The following GRIP1 variants were observed in gnomAD, a reference collection of about 807,000 sequenced individuals.
The protein encoded by GRIP1 is glutamate receptor-interacting protein 1.
Under a neutral mutation model 129.9 loss-of-function variants are expected in GRIP1, and 45 were observed. That is an observed-to-expected ratio of 0.35 (90% CI 0.27 to 0.44). GRIP1 has a LOEUF of 0.44. GRIP1 is among the 20% of genes least tolerant of loss of function. GRIP1 has a pLI of 1.00. For missense variants in GRIP1, 1,196 were observed against 1,396.8 expected (o/e 0.86, Z 2.29); for synonymous variants, 530 against 520.8 (o/e 1.02, Z -0.24).
intron 1 of GRIP1, among the ~76,000 whole-genome samples, chr12:66,979,568 A>C (rs1417229060): frequency 6.6e-6 from 1 of 151,986 alleles, no homozygotes; most frequent in Non-Finnish European, 1.5e-5. Context: ...CATTGAACAA[A>C]CCTCAGTTCT....
intron 1 of GRIP1, among the ~76,000 whole-genome samples, chr12:66,882,359 A>T (rs2040494031): frequency 6.6e-6 from 1 of 152,204 alleles, no homozygotes; most frequent in South Asian, 2.1e-4. Flanking sequence ...CTCCAAGATC[A>T]CCAGAGAAAA....
chr12:66,810,135 A>G (rs73329268), intron 1 of GRIP1, among the ~76,000 whole-genome samples: 3,111 of 152,350 alleles, frequency 0.02, 116 homozygotes, highest in African/African-American at 0.071. Context: ...GAAAATAAAA[A>G]GGTAGACAGG....
intron 1 of GRIP1, among the ~76,000 whole-genome samples, chr12:66,931,075 G>A (rs1250886806): frequency 2.6e-5 from 4 of 152,194 alleles, no homozygotes. Flanking sequence ...CGAACTTACT[G>A]TCTTCAACTA....
chr12:66,389,789 C>G (rs1323175129), intron 19 of GRIP1, among the ~76,000 whole-genome samples: 1 of 152,080 alleles, frequency 6.6e-6, no homozygotes, highest in Non-Finnish European at 1.5e-5. Flanking sequence ...GTGTGATTTT[C>G]CTTTCTGAAT....
chr12:66,781,960 G>T (rs2038175219), intron 1 of GRIP1, among the ~76,000 whole-genome samples: 2 of 152,260 alleles, frequency 1.3e-5, no homozygotes, highest in South Asian at 4.1e-4. Flanking sequence ...ACCGTATGAT[G>T]ATTTCATTTA....
intron 1 of GRIP1, among the ~76,000 whole-genome samples, chr12:66,796,606 C>T (rs1441509849): frequency 6.6e-6 from 1 of 152,102 alleles, no homozygotes; most frequent in African/African-American, 2.4e-5. Flanking sequence ...GTACTTGCCA[C>T]TAGTTTTTCT....
intron 1 of GRIP1, among the ~76,000 whole-genome samples, chr12:66,823,223 C>A (rs2039351331): frequency 6.6e-6 from 1 of 152,036 alleles, no homozygotes; most frequent in South Asian, 2.1e-4. Flanking sequence ...ACATAATCCT[C>A]AGACATGTAA....
At chr12:66,956,177 C>T (rs940360851) in intron 1 of GRIP1, among the ~76,000 whole-genome samples, 1 of 152,202 alleles carries the variant, frequency 6.6e-6, no homozygotes, top group African/African-American at 2.4e-5. Context: ...CACTCCTGGA[C>T]AGCATGTCGC....
intron 1 of GRIP1, among the ~76,000 whole-genome samples, chr12:67,014,880 CAAAAAA>C: frequency 6.6e-6 from 1 of 151,510 alleles, no homozygotes; most frequent in East Asian, 1.9e-4. Context: ...ACTGAGTCAT[CAAAAAA>C]AATCAAACCA....
upstream of GRIP1, among the ~76,000 whole-genome samples, chr12:66,683,155 C>T (rs1282556779): frequency 1.3e-5 from 2 of 152,036 alleles, no homozygotes; most frequent in African/African-American, 4.8e-5. Flanking sequence ...ATGCGACTCT[C>T]ACCCACTTTT....
chr12:66,877,648 T>C (rs2040405343), intron 1 of GRIP1, among the ~76,000 whole-genome samples: 1 of 152,088 alleles, frequency 6.6e-6, no homozygotes, highest in Non-Finnish European at 1.5e-5. Flanking sequence ...TTCTCTAATT[T>C]GCACATTTTT....
intron 16 of GRIP1, among the ~76,000 whole-genome samples, chr12:66,403,670 A>G (rs2057088328): frequency 6.6e-6 from 1 of 152,180 alleles, no homozygotes; most frequent in East Asian, 1.9e-4. Flanking sequence ...ATGTTTTTCA[A>G]TGGAAGGTTT....
At chr12:66,930,821 A>C (rs901943256) in intron 1 of GRIP1, among the ~76,000 whole-genome samples, 4 of 152,128 alleles carry the variant, frequency 2.6e-5, no homozygotes, top group Admixed American at 6.5e-5. Context: ...TGTTGACCAA[A>C]CAAGTGATTT....
chr12:66,471,621 A>T (rs1001369173), intron 7 of GRIP1, among the ~76,000 whole-genome samples: 2 of 152,238 alleles, frequency 1.3e-5, no homozygotes, highest in East Asian at 3.8e-4. Flanking sequence ...TGCAGTTCTC[A>T]CTATTGGAAA....
chr12:66,745,172 A>G (rs547438740), intron 1 of GRIP1, among the ~76,000 whole-genome samples: 6 of 152,312 alleles, frequency 3.9e-5, no homozygotes, highest in African/African-American at 1.4e-4. Context: ...TCCAACATAT[A>G]TAAACTAGTC....
chr12:66,978,376 C>T (rs139052127), intron 1 of GRIP1, among the ~76,000 whole-genome samples: 74 of 152,276 alleles, frequency 4.9e-4, no homozygotes, highest in African/African-American at 1.7e-3. Flanking sequence ...TGTAAGTGGT[C>T]TGAATCATAA....
At chr12:66,461,736 C>T (rs2059142212) in intron 9 of GRIP1, among the ~76,000 whole-genome samples, 1 of 152,174 alleles carries the variant, frequency 6.6e-6, no homozygotes, top group Admixed American at 6.5e-5. Flanking sequence ...CCCTCTTTCC[C>T]CCCGCCCCAG....
intron 1 of GRIP1, among the ~76,000 whole-genome samples, chr12:66,757,279 G>A (rs1350917417): frequency 1.3e-5 from 2 of 152,000 alleles, no homozygotes; most frequent in Admixed American, 6.6e-5. Context: ...ACCACCTCAC[G>A]TGAGTTGGAT....
At position 66,818,849 on chromosome 12, in the gene GRIP1, A is replaced by C. The variant is rs905157221; in HGVS notation, c.59-221922T>G. 9.9e-5 allele frequency among the ~76,000 whole-genome samples: 15 copies of C among 152,282 alleles called. No homozygotes were observed. In the South Asian group the frequency reaches 2.9e-3, roughly 29 times the overall value. ...ATGGACCCCCAGGGGTCCATAGACT[A>C]TACTTTGAGATCCACTGCTGTACAG... is the stretch of plus-strand genomic sequence containing the variant. On this transcript the variant is annotated intron_variant, in intron 1 of 1. Coordinates refer to the GRIP1 transcript ENST00000643019.
Sources: gnomAD v4.1 joint callset for allele counts (sites outside exome capture counted in the v4.1 genomes callset) on GRCh38, gnomAD v4.1.1 for gene constraint, MANE v1.5 for transcripts, NCBI Gene and HGNC (gene_info 2026-07-23, HGNC 2026-07-21) for gene names.